DNAH14: variants seen among roughly 807,000 people sequenced by gnomAD.
DNAH14 encodes axonemal beta dynein heavy chain 14.
A neutral mutation model predicts 520.9 loss-of-function variants in DNAH14; 478 were observed. The ratio of observed to expected loss-of-function variants is 0.92; its 90% confidence interval spans 0.85 to 0.99. DNAH14 has a LOEUF of 0.99. Among genes scored for constraint, DNAH14 ranks in the 50% least tolerant of loss-of-function variants. DNAH14 has a pLI of 0.00. For missense variants in DNAH14, 4,831 were observed against 5,234.5 expected (o/e 0.92, Z 2.38); for synonymous variants, 1,581 against 1,757.2 (o/e 0.90, Z 2.51).
At chr1:225,024,123 T>C in intron 11 of DNAH14, 1 of 1,035,340 alleles carries the variant, frequency 9.7e-7, no homozygotes, top group Non-Finnish European at 1.2e-6. Context: ...GTATTACCTA[T>C]GTTAAAATTA....
chr1:225,311,077 G>T (rs148860031), intron 60 of DNAH14, among the ~76,000 whole-genome samples: 1 of 152,134 alleles, frequency 6.6e-6, no homozygotes, highest in Non-Finnish European at 1.5e-5. Context: ...GGGTAAAAGC[G>T]TTCCTGTTTC....
intron 41 of DNAH14, among the ~76,000 whole-genome samples, chr1:225,216,092 C>T (rs555654022): frequency 2.2e-4 from 33 of 152,216 alleles, no homozygotes; most frequent in African/African-American, 5.8e-4. Flanking sequence ...GCAGGCCTGA[C>T]GGTGACAAAA....
At chr1:225,034,420 T>C (rs1008429166) in intron 11 of DNAH14, among the ~76,000 whole-genome samples, 9 of 152,106 alleles carry the variant, frequency 5.9e-5, no homozygotes, top group Non-Finnish European at 1.2e-4. Flanking sequence ...TACTTGATCA[T>C]AGTGGATTAT....
intron 69 of DNAH14, among the ~76,000 whole-genome samples, chr1:225,344,814 A>G (rs1302428498): frequency 6.6e-6 from 1 of 152,088 alleles, no homozygotes; most frequent in Non-Finnish European, 1.5e-5. Context: ...TCCCAGGTTC[A>G]AGTGATTCTC....
chr1:225,363,930 AT>A (rs1483187292), intron 75 of DNAH14, among the ~76,000 whole-genome samples: 2 of 152,050 alleles, frequency 1.3e-5, no homozygotes, highest in Non-Finnish European at 2.9e-5. Flanking sequence ...ATTTTCTGAA[AT>A]TTTTTTTCCT....
intron 77 of DNAH14, among the ~76,000 whole-genome samples, chr1:225,369,529 T>C (rs1023314800): frequency 3.3e-5 from 5 of 152,008 alleles, no homozygotes; most frequent in African/African-American, 9.7e-5. Flanking sequence ...GGTATACATG[T>C]ACATATATAT....
At position 225,221,695 on chromosome 1, in the gene DNAH14, A is replaced by T. The variant is rs114947536; in HGVS notation, c.6440-9378A>T. Among the ~76,000 whole-genome samples the T allele has an allele frequency of 9.0e-3, 1,363 of 152,272 alleles. 18 individuals carry two copies. Among genetic ancestry groups the T allele is most frequent in the African/African-American group, 0.032 (1,316 of 41,544 alleles). On this transcript the variant is annotated intron_variant, in intron 41 of 85. Coordinates refer to ENST00000682510, the MANE Select transcript of DNAH14 (RefSeq NM_001367479.1). ...CAGTCAGGGTGATGGGAGAAATTAT[A>T]AGGAAAGATGCAAACCTTCTTGGAA...
chr1:225,357,749 A>G (rs2095446549), intron 73 of DNAH14: 1 of 700,878 alleles, frequency 1.4e-6, no homozygotes, highest in Non-Finnish European at 2.6e-6. Context: ...CCCATGGTCC[A>G]ACCTGGTACA....
intron 50 of DNAH14, among the ~76,000 whole-genome samples, 174 bp from the exon 51 acceptor site, chr1:225,271,732 G>A (rs1046236250): frequency 2.0e-5 from 3 of 152,130 alleles, no homozygotes; most frequent in African/African-American, 7.2e-5. Context: ...GCAACCCCTA[G>A]AGTGTTTTGT....
chr1:225,153,257 G>A (rs993487951), intron 33 of DNAH14, among the ~76,000 whole-genome samples: 1 of 152,090 alleles, frequency 6.6e-6, no homozygotes, highest in African/African-American at 2.4e-5. Context: ...ACAAAGTGCT[G>A]GGCCTTACTC....
intron 41 of DNAH14, among the ~76,000 whole-genome samples, chr1:225,214,804 C>T (rs917465602): frequency 1.3e-5 from 2 of 152,012 alleles, no homozygotes; most frequent in Admixed American, 6.6e-5. Context: ...CTCTTTTATT[C>T]TTTATTAGTC....
chr1:225,016,171 G>C (rs2065201445), intron 10 of DNAH14, among the ~76,000 whole-genome samples: 1 of 152,174 alleles, frequency 6.6e-6, no homozygotes, highest in Admixed American at 6.5e-5. Context: ...TCTGGGACTT[G>C]GTGACCATTG....
At chr1:225,253,117 A>C (rs2092614015) in intron 44 of DNAH14, among the ~76,000 whole-genome samples, 1 of 152,206 alleles carries the variant, frequency 6.6e-6, no homozygotes, top group African/African-American at 2.4e-5. Flanking sequence ...GCATCCAGAG[A>C]GTTTTAACTC....
chr1:225,153,633 G>A lies in DNAH14; in HGVS notation c.5197-117G>A, dbSNP rs2080731322. 7.8e-6 allele frequency: 5 copies of A among 642,412 alleles called. No homozygotes were observed. The South Asian group carries it at 1.0e-4, about 13-fold the overall frequency. 39.8% of individuals were successfully genotyped at this position (642,412 alleles called of 1,614,324 possible). On this transcript the variant is annotated intron_variant, in intron 33 of 85. Coordinates refer to ENST00000682510, the MANE Select transcript of DNAH14 (RefSeq NM_001367479.1). The stretch of plus-strand genomic sequence containing the variant: ...ATAACCAAGGGTTTTTTGGATTCAT[G>A]TCACTGTTTCCCTGCAGAGCATAGA...
intron 58 of DNAH14, 25 bp downstream of exon 58, chr1:225,305,114 A>T (rs2094213860): frequency 6.0e-6 from 9 of 1,510,128 alleles, no homozygotes; most frequent in Non-Finnish European, 7.9e-6. Flanking sequence ...ACAAATCATA[A>T]ATATATTTTA....
rs552516549 is a variant in DNAH14, at chr1:225,152,827, C to G, written c.5140C>G (p.Leu1714Val). The stretch of plus-strand genomic sequence containing the variant: ...ATTTGGTTTCAAATCTGCAAATTCA[C>G]TCTCTGGAAAGCTAACTAACCTTTA... The part of the protein sequence containing the change: ...FSFGFKSANS[L>V]SGKLTNLYEL... The change falls in exon 33 of 86, where the codon CTC becomes GTC. Residue 1714 changes from leucine (L) to valine (V), a missense_variant. Coordinates refer to ENST00000682510, the MANE Select transcript of DNAH14 (RefSeq NM_001367479.1). 4.5e-6 allele frequency: 7 copies of G among 1,551,342 alleles called. No homozygotes were observed. In the South Asian group the frequency reaches 4.8e-5, roughly 11 times the overall value.
chr1:225,032,490 A>G (rs1242448771), intron 11 of DNAH14, among the ~76,000 whole-genome samples: 1 of 152,296 alleles, frequency 6.6e-6, no homozygotes, highest in South Asian at 2.1e-4. Flanking sequence ...ATTGATGGGC[A>G]TATAGGTTGA....
intron 36 of DNAH14, among the ~76,000 whole-genome samples, chr1:225,170,311 A>C (rs2149217716): frequency 6.6e-6 from 1 of 152,328 alleles, no homozygotes; most frequent in South Asian, 2.1e-4. Context: ...TCCAATTAAA[A>C]GACACAGACT....
intron 72 of DNAH14, among the ~76,000 whole-genome samples, chr1:225,352,546 G>T (rs1444722450): frequency 6.6e-6 from 1 of 152,080 alleles, no homozygotes; most frequent in Non-Finnish European, 1.5e-5. Context: ...TTGCTGCCAA[G>T]TTGCTTTCTT....
Sources: gnomAD v4.1 joint callset for allele counts (sites outside exome capture counted in the v4.1 genomes callset) on GRCh38, gnomAD v4.1.1 for gene constraint, MANE v1.5 for transcripts, NCBI Gene and HGNC (gene_info 2026-07-23, HGNC 2026-07-21) for gene names.